The following ANKRD46 variants were observed in gnomAD, a reference collection of about 807,000 sequenced individuals.
The protein encoded by ANKRD46 is ankyrin repeat domain 46, also known as ankyrin repeat domain-containing protein 46.
ANKRD46 carries 13 observed loss-of-function variants against 19.8 expected under a neutral mutation model. The observed-to-expected ratio is 0.66, with a 90% CI of 0.43 to 1.04. The LOEUF (loss-of-function observed/expected upper bound fraction) is 1.04. ANKRD46 is among the 50% of genes least tolerant of loss of function. The pLI is 0.00. For missense variants in ANKRD46, 185 were observed against 274.8 expected, an observed-to-expected ratio of 0.67 and a Z score of 2.31; for synonymous variants, 91 against 106.9, an observed-to-expected ratio of 0.85 and a Z score of 0.92.
chr8:100,526,676 A>G (rs1488365385), intron 4 of ANKRD46, among the ~76,000 whole-genome samples: 1 of 152,192 alleles, frequency 6.6e-6, no homozygotes, highest in East Asian at 1.9e-4. Flanking sequence ...TGAACAAAAT[A>G]GACCTAAGCT....
At chr8:100,542,853 A>G (rs1201598699) in intron 1 of ANKRD46, among the ~76,000 whole-genome samples, 2 of 152,100 alleles carry the variant, frequency 1.3e-5, no homozygotes, top group East Asian at 1.9e-4. Flanking sequence ...GCAGAGCTCA[A>G]TCACCAGTCC....
rs547353625 is a variant in ANKRD46 at position 100,550,784 on chromosome 8, C to T, written c.-131+8927G>A. On this transcript the variant is annotated intron_variant, in intron 1 of 4. Coordinates refer to ENST00000335659, the MANE Select transcript of ANKRD46 (RefSeq NM_001270377.2). This position sits in a 1 kb window ranked among gnomAD's most constrained non-coding sequence, Gnocchi z 4.4. ...TGCTGTAGCCAAATTCACTGTTGTACGAGGAAATGAGCTTGACAAAGTGGT... is the reference window on the plus strand; with the variant it reads ...TGCTGTAGCCAAATTCACTGTTGTATGAGGAAATGAGCTTGACAAAGTGGT... 4.1e-5 allele frequency: 19 copies of T among 458,702 alleles called. No individual in the cohort carries two copies. Among genetic ancestry groups the T allele is most frequent in the South Asian group, 1.4e-4 (8 of 57,900 alleles). 28.4% of individuals were successfully genotyped at this position (458,702 alleles called of 1,614,324 possible).
In ANKRD46 at chr8:100,550,831, C is replaced by G. The variant is rs1354701148; in HGVS notation, c.-131+8880G>C. 1 of 463,756 alleles carries G rather than the reference C, an allele frequency of 2.2e-6. No individual in the cohort carries two copies. The highest frequency in any genetic ancestry group is 4.1e-6 in the Non-Finnish European group (1 of 242,148). The allele number at this position is 463,756 out of a possible 1,614,324, so 28.7% of individuals were successfully genotyped here. A position where few individuals can be genotyped will look rare whatever the true frequency, so the allele number is the denominator to read the frequency against. On this transcript the variant is annotated intron_variant, in intron 1 of 4. Coordinates refer to ENST00000335659, the MANE Select transcript of ANKRD46 (RefSeq NM_001270377.2). The surrounding 1 kb of genome is among the most constrained non-coding windows in gnomAD (Gnocchi z 4.4). Reference sequence around the variant, plus strand: ...TGGTCACTGAGGGCAATGGCAGCCCCAGCATCGAAAGTGGAAGAGTGAGTG... The same window carrying G: ...TGGTCACTGAGGGCAATGGCAGCCCGAGCATCGAAAGTGGAAGAGTGAGTG...
chr8:100,527,757 C>T lies in ANKRD46; in HGVS notation c.470+88G>A. ...ACATGTGCCTATAGTCCCAGCTAGTCAGGAGGCTGAGGCAGGAAGAATGCT... is the reference window on the plus strand; with the variant it reads ...ACATGTGCCTATAGTCCCAGCTAGTTAGGAGGCTGAGGCAGGAAGAATGCT... On this transcript the variant is annotated intron_variant, in intron 4 of 4. Coordinates refer to ENST00000335659, the MANE Select transcript of ANKRD46 (RefSeq NM_001270377.2). This position sits in a 1 kb window ranked among gnomAD's most constrained non-coding sequence, Gnocchi z 4.0. 4 of 1,416,500 alleles carry T rather than the reference C, an allele frequency of 2.8e-6. No homozygotes were observed. The highest frequency in any genetic ancestry group is 3.2e-5 in the South Asian group (2 of 61,860). 87.7% of individuals were successfully genotyped at this position (1,416,500 alleles called of 1,614,324 possible).
rs1586791597 is a variant in ANKRD46 at position 100,536,807 on chromosome 8, T to C, written c.-130-3496A>G. Among the ~76,000 whole-genome samples, 1 of 152,186 alleles carries C rather than the reference T, an allele frequency of 6.6e-6. No homozygotes were observed. The highest frequency in any genetic ancestry group is 1.5e-5 in the Non-Finnish European group (1 of 68,028). ...CTGACTGGTTCAGAGGCAGACTAGC[T>C]GGCATTGTTAAAAGCAGAACTTTGG... On this transcript the variant is annotated intron_variant, in intron 1 of 4. Coordinates refer to ENST00000335659, the MANE Select transcript of ANKRD46 (RefSeq NM_001270377.2). The surrounding 1 kb of genome is among the most constrained non-coding windows in gnomAD (Gnocchi z 4.9).
rs199938933 is a variant in ANKRD46 at position 100,522,864 on chromosome 8, T to TACACACAC, written c.471-101_471-94dup. The stretch of plus-strand genomic sequence containing the variant: ...GGGCTACTATTTAGAAAAGACCAAA[T>TACACACAC]ACACACACACACACACACACACACA... On this transcript the variant is annotated intron_variant, in intron 4 of 4. Coordinates refer to ENST00000335659, the MANE Select transcript of ANKRD46 (RefSeq NM_001270377.2). 1,277 of 593,994 alleles carry TACACACAC rather than the reference T, an allele frequency of 2.1e-3. 7 individuals are homozygous for TACACACAC. The highest frequency in any genetic ancestry group is 0.02 in the African/African-American group (1,024 of 50,094). The allele number at this position is 593,994 out of a possible 1,614,324, so 36.8% of individuals were successfully genotyped here.
rs1174721076 is a variant in ANKRD46, at chr8:100,546,274, A to C, written c.-130-12963T>G. 6.6e-6 allele frequency among the ~76,000 whole-genome samples: 1 copy of C among 152,212 alleles called. No homozygotes were observed. The highest frequency in any genetic ancestry group is 1.5e-5 in the Non-Finnish European group (1 of 68,024). Reference sequence around the variant, plus strand: ...CCCATCACAGGCCACAAGGCCTAGGAGGGAAAAAATGGTTTTGTGGGCTGG... The same window carrying C: ...CCCATCACAGGCCACAAGGCCTAGGCGGGAAAAAATGGTTTTGTGGGCTGG... On this transcript the variant is annotated intron_variant, in intron 1 of 4. Coordinates refer to ENST00000335659, the MANE Select transcript of ANKRD46 (RefSeq NM_001270377.2). This position sits in a 1 kb window ranked among gnomAD's most constrained non-coding sequence, Gnocchi z 4.0.
chr8:100,539,693 A>G (rs899238218), intron 1 of ANKRD46, among the ~76,000 whole-genome samples: 2 of 152,226 alleles, frequency 1.3e-5, no homozygotes, highest in Non-Finnish European at 2.9e-5. Flanking sequence ...TTCATAATTA[A>G]AACTATTAAT....
Position 100,510,499 on chromosome 8 carries a change from C to T in ANKRD46, c.*78G>A, listed in dbSNP as rs1234771824. On this transcript the variant is annotated 3_prime_UTR_variant, in exon 6 of 6. Transcript: ENST00000520552. The surrounding 1 kb of genome is among the most constrained non-coding windows in gnomAD (Gnocchi z 4.9). ...ACAAGTCGTGACGGAAACAGCCCCA[C>T]CCAACAGGGACGCTGACGTCTGTAT... 2.9e-6 allele frequency: 4 copies of T among 1,391,006 alleles called. No homozygotes were observed. Among genetic ancestry groups the T allele is most frequent in the Admixed American group, 2.1e-5 (1 of 46,542 alleles). The allele number at this position is 1,391,006 out of a possible 1,614,324, so 86.2% of individuals were successfully genotyped here.
rs1266110783 is a variant in ANKRD46 at position 100,525,676 on chromosome 8, C to G, written c.470+2169G>C. On this transcript the variant is annotated intron_variant, in intron 4 of 4. Transcript: ENST00000335659. The surrounding 1 kb of genome is among the most constrained non-coding windows in gnomAD (Gnocchi z 4.4). ...TATCTGGGTGGTATCAATGTTTTGGCTATTATGAATAATGCTGCTATGAAC... is the reference window on the plus strand; with the variant it reads ...TATCTGGGTGGTATCAATGTTTTGGGTATTATGAATAATGCTGCTATGAAC... 2.0e-5 allele frequency among the ~76,000 whole-genome samples: 3 copies of G among 152,082 alleles called. No individual in the cohort carries two copies. Among genetic ancestry groups the G allele is most frequent in the African/African-American group, 7.2e-5 (3 of 41,390 alleles).
intron 5 of ANKRD46, among the ~76,000 whole-genome samples, chr8:100,514,188 C>A (rs1052761593): frequency 6.6e-6 from 1 of 151,986 alleles, no homozygotes; most frequent in African/African-American, 2.4e-5. Context: ...GTAATTTGGC[C>A]TAGGGACACA....
chr8:100,512,934 C>A (rs553833839), intron 5 of ANKRD46, among the ~76,000 whole-genome samples: 6 of 152,212 alleles, frequency 3.9e-5, no homozygotes, highest in African/African-American at 1.4e-4. Flanking sequence ...TTCCTTCTCC[C>A]ATTACTGGAG....
At position 100,546,501 on chromosome 8, in the gene ANKRD46, T is replaced by C. The variant is rs534514748; in HGVS notation, c.-130-13190A>G. On this transcript the variant is annotated intron_variant, in intron 1 of 4. Coordinates refer to ENST00000335659, the MANE Select transcript of ANKRD46 (RefSeq NM_001270377.2). The surrounding 1 kb of genome is among the most constrained non-coding windows in gnomAD (Gnocchi z 4.0). ...ACAGGAGTTGAGCTTTGGGAACCTC[T>C]GCCTAGATTTCAAAGGACATATGGA... is the stretch of plus-strand genomic sequence containing the variant. Among the ~76,000 whole-genome samples the C allele has an allele frequency of 6.6e-6, 1 of 152,374 alleles. No homozygotes were observed. The highest frequency in any genetic ancestry group is 2.1e-4 in the South Asian group (1 of 4,834).
Position 100,510,456 on chromosome 8 carries a change from G to T in ANKRD46, c.*121C>A. On this transcript the variant is annotated 3_prime_UTR_variant, in exon 6 of 6. Coordinates refer to the ANKRD46 transcript ENST00000520552. The surrounding 1 kb of genome is among the most constrained non-coding windows in gnomAD (Gnocchi z 4.9). ...CTCTGCCTCCTAACTGCAGAGCTTT[G>T]AGATGATGCTCCATGACACAAGTCG... is the stretch of plus-strand genomic sequence containing the variant. 9.4e-6 allele frequency: 9 copies of T among 954,110 alleles called. No individual in the cohort carries two copies. The highest frequency in any genetic ancestry group is 1.5e-6 in the Non-Finnish European group (1 of 661,652). 59.1% of individuals were successfully genotyped at this position (954,110 alleles called of 1,614,324 possible). A position where few individuals can be genotyped will look rare whatever the true frequency, so the allele number is the denominator to read the frequency against.
chr8:100,550,966 A>G lies in ANKRD46; in HGVS notation c.-131+8745T>C. On this transcript the variant is annotated intron_variant, in intron 1 of 4. Transcript: ENST00000335659. The surrounding 1 kb of genome is among the most constrained non-coding windows in gnomAD (Gnocchi z 4.4). ...CCTTTTTGATGTCATCATATTTGGC[A>G]GGTTTCTCCAGATGGCAGGTCAGGT... 1 of 577,052 alleles carries G rather than the reference A, an allele frequency of 1.7e-6. No individual in the cohort carries two copies. Among genetic ancestry groups the G allele is most frequent in the Non-Finnish European group, 3.3e-6 (1 of 306,720 alleles). The allele number at this position is 577,052 out of a possible 1,614,324, so 35.7% of individuals were successfully genotyped here. A position where few individuals can be genotyped will look rare whatever the true frequency, so the allele number is the denominator to read the frequency against.
At chr8:100,553,455 T>A (rs148025545) in intron 1 of ANKRD46, among the ~76,000 whole-genome samples, 6 of 152,318 alleles carry the variant, frequency 3.9e-5, no homozygotes, top group African/African-American at 1.2e-4. Flanking sequence ...TTTGTTTTTT[T>A]AATTAAACTT....
chr8:100,546,771 C>G lies in ANKRD46; in HGVS notation c.-131+12940G>C, dbSNP rs1403745095. On this transcript the variant is annotated intron_variant, in intron 1 of 4. Coordinates refer to ENST00000335659, the MANE Select transcript of ANKRD46 (RefSeq NM_001270377.2). The surrounding 1 kb of genome is among the most constrained non-coding windows in gnomAD (Gnocchi z 4.0). ...AGCATTTAATGCCAGCCCATGAAAGCAGCCACAGGGACAAAGCTGCTCAAG... is the reference window on the plus strand; with the variant it reads ...AGCATTTAATGCCAGCCCATGAAAGGAGCCACAGGGACAAAGCTGCTCAAG... Among the ~76,000 whole-genome samples the G allele has an allele frequency of 1.3e-5, 2 of 152,210 alleles. No homozygotes were observed. The highest frequency in any genetic ancestry group is 4.8e-5 in the African/African-American group (2 of 41,468).
chr8:100,554,430 G>C (rs1812453190), intron 1 of ANKRD46: 1 of 152,188 alleles, frequency 6.6e-6, no homozygotes, highest in South Asian at 2.1e-4. Flanking sequence ...ATTTTAAAAA[G>C]TACTTGGCTG....
intron 1 of ANKRD46, among the ~76,000 whole-genome samples, chr8:100,549,765 A>G (rs766184264): frequency 5.3e-5 from 8 of 152,188 alleles, no homozygotes; most frequent in African/African-American, 1.2e-4. Context: ...GGGTTTAGAC[A>G]AATTTACAAT....
Sources: allele counts gnomAD v4.1 joint callset (sites outside exome capture counted in the v4.1 genomes callset), GRCh38; gene constraint gnomAD v4.1.1; non-coding constraint Gnocchi (gnomAD v3.1); transcripts MANE v1.5; gene names NCBI Gene and HGNC (gene_info 2026-07-23, HGNC 2026-07-21).